ZSCAN5A: variants seen among roughly 807,000 people sequenced by gnomAD.
ZSCAN5A encodes zinc finger and SCAN domain containing 5A.
In ZSCAN5A, 12 loss-of-function variants were observed where a neutral mutation model predicts 23.7. That is an observed-to-expected ratio of 0.51 (90% CI 0.32 to 0.82). The LOEUF (loss-of-function observed/expected upper bound fraction) is 0.82, where lower values mean the gene tolerates loss of function less well. Among genes scored for constraint, ZSCAN5A ranks in the 40% least tolerant of loss-of-function variants. The pLI, the probability that ZSCAN5A is intolerant of heterozygous loss-of-function variation, is 0.03. For missense variants in ZSCAN5A, 597 were observed against 617.9 expected, an observed-to-expected ratio of 0.97 and a Z score of 0.36; for synonymous variants, 257 against 239.9, an observed-to-expected ratio of 1.07 and a Z score of -0.66.
Position 56,272,690 on chromosome 19 carries a change from G to A in ZSCAN5A, c.-128+40593C>T, listed in dbSNP as rs146518421. Reference sequence around the variant, plus strand: ...TCAGCAGTTGGTGGCGTGGGCACAGGTCTGGAGACCTGCCAGCCTCCAGGC... The same window carrying A: ...TCAGCAGTTGGTGGCGTGGGCACAGATCTGGAGACCTGCCAGCCTCCAGGC... On this transcript the variant is annotated intron_variant, in intron 2 of 5. Coordinates refer to ENST00000683990, the MANE Select transcript of ZSCAN5A (RefSeq NM_001322064.3). 522 of 156,770 alleles carry A rather than the reference G, an allele frequency of 3.3e-3. 3 individuals are homozygous for A. Among genetic ancestry groups the A allele is most frequent in the Middle Eastern group, 9.9e-3 (3 of 304 alleles). 9.7% of individuals were successfully genotyped at this position (156,770 alleles called of 1,614,324 possible).
At chr19:56,342,893 TC>T in intron 2 of ZSCAN5A, 2 of 1,016,098 alleles carry the variant, frequency 2.0e-6, no homozygotes, top group Non-Finnish European at 3.1e-6. Flanking sequence ...TCAGGTAGTC[TC>T]CCCATCCTGA....
At chr19:56,257,626 G>A (rs987048817) in intron 2 of ZSCAN5A, among the ~76,000 whole-genome samples, 2 of 140,328 alleles carry the variant, frequency 1.4e-5, no homozygotes, top group Admixed American at 7.2e-5. Context: ...AGACACAGGC[G>A]CTGGGGGACT....
intron 2 of ZSCAN5A, among the ~76,000 whole-genome samples, chr19:56,323,397 CTCCTGGACTCAAGTGA>C: frequency 6.6e-6 from 1 of 151,982 alleles, no homozygotes; most frequent in Middle Eastern, 3.4e-3. Flanking sequence ...TGATCTCAAA[CTCCTGGACTCAAGTGA>C]TCCTTCTGCC....
chr19:56,228,019 C>T (rs926876445), intron 2 of ZSCAN5A, among the ~76,000 whole-genome samples: 12 of 152,022 alleles, frequency 7.9e-5, no homozygotes, highest in African/African-American at 2.4e-4. Context: ...AAGCGAGACC[C>T]TGTCTCTAAA....
chr19:56,367,585 A>G (rs1337410843), intron 1 of ZSCAN5A, among the ~76,000 whole-genome samples: 1 of 152,254 alleles, frequency 6.6e-6, no homozygotes. Context: ...CTAAAAGCCC[A>G]TGATCTAAAT....
chr19:56,270,286 C>T (rs191758022), intron 2 of ZSCAN5A, among the ~76,000 whole-genome samples: 91 of 152,178 alleles, frequency 6.0e-4, no homozygotes, highest in African/African-American at 2.0e-3. Context: ...GGTGTGGTGG[C>T]GCACGCCTGT....
At chr19:56,247,741 G>A (rs185600197) in intron 2 of ZSCAN5A, among the ~76,000 whole-genome samples, 3,827 of 152,174 alleles carry the variant, frequency 0.025, 165 homozygotes, top group African/African-American at 0.088. Flanking sequence ...ACCCAGGCTG[G>A]AGTGCAGTGG....
intron 2 of ZSCAN5A, among the ~76,000 whole-genome samples, chr19:56,337,826 T>C (rs2041554800): frequency 6.6e-6 from 1 of 152,250 alleles, no homozygotes; most frequent in African/African-American, 2.4e-5. Context: ...TCTAGTTCTG[T>C]GTGTGTGCGT....
At chr19:56,230,520 T>C (rs2034365910) in intron 2 of ZSCAN5A, among the ~76,000 whole-genome samples, 1 of 152,102 alleles carries the variant, frequency 6.6e-6, no homozygotes, top group African/African-American at 2.4e-5. Context: ...TTCTTATTAG[T>C]TATTTAACTC....
intron 2 of ZSCAN5A, among the ~76,000 whole-genome samples, chr19:56,362,330 G>A (rs1287533314): frequency 6.6e-6 from 1 of 152,140 alleles, no homozygotes; most frequent in Non-Finnish European, 1.5e-5. Flanking sequence ...ACTTTGGGAG[G>A]CCAAGGTGGG....
chr19:56,350,506 T>C (rs1228839796), intron 2 of ZSCAN5A, among the ~76,000 whole-genome samples: 1 of 152,258 alleles, frequency 6.6e-6, no homozygotes, highest in Non-Finnish European at 1.5e-5. Context: ...AATAATGTCT[T>C]TCTCCCAATC....
At chr19:56,231,888 C>T (rs560260792) in intron 2 of ZSCAN5A, among the ~76,000 whole-genome samples, 33 of 152,244 alleles carry the variant, frequency 2.2e-4, no homozygotes, top group Admixed American at 7.8e-4. Context: ...TCCCCAGGCT[C>T]TTCATCATCT....
At chr19:56,258,209 G>T (rs546347304) in intron 2 of ZSCAN5A, among the ~76,000 whole-genome samples, 5 of 152,368 alleles carry the variant, frequency 3.3e-5, no homozygotes, top group Non-Finnish European at 7.3e-5. Flanking sequence ...ACAGGGTAGT[G>T]AGGGGGTGTG....
chr19:56,329,357 A>C (rs1402772524), intron 2 of ZSCAN5A, among the ~76,000 whole-genome samples: 1 of 152,104 alleles, frequency 6.6e-6, no homozygotes, highest in Non-Finnish European at 1.5e-5. Context: ...TCAGAAAACA[A>C]AAACAAAAAC....
At chr19:56,281,887 A>G (rs2038738429) in intron 2 of ZSCAN5A, among the ~76,000 whole-genome samples, 1 of 152,172 alleles carries the variant, frequency 6.6e-6, no homozygotes, top group South Asian at 2.1e-4. Flanking sequence ...GAACGGTGCA[A>G]CTGGATGGAC....
chr19:56,325,293 G>A (rs993885029), intron 2 of ZSCAN5A, among the ~76,000 whole-genome samples: 4 of 152,124 alleles, frequency 2.6e-5, no homozygotes, highest in African/African-American at 4.8e-5. Flanking sequence ...CCCCTCACAC[G>A]TTTCCCACAC....
intron 2 of ZSCAN5A, among the ~76,000 whole-genome samples, chr19:56,284,508 C>G (rs1163048154): frequency 9.0e-6 from 1 of 111,400 alleles, no homozygotes. Context: ...GTGATGCTTG[C>G]TGTAATTTTT....
chr19:56,321,300 C>T (rs2041373149), intron 2 of ZSCAN5A: 1 of 658,252 alleles, frequency 1.5e-6, no homozygotes, highest in Non-Finnish European at 2.8e-6. Context: ...GAAAATAACT[C>T]GCCCATCACT....
intron 2 of ZSCAN5A, among the ~76,000 whole-genome samples, chr19:56,238,072 A>G (rs555473373): frequency 9.1e-3 from 253 of 27,840 alleles, no homozygotes; most frequent in Non-Finnish European, 0.018. Flanking sequence ...TCCCCTAGAC[A>G]CACACAGAGA....
Sources: gnomAD v4.1 joint callset for allele counts (sites outside exome capture counted in the v4.1 genomes callset) on GRCh38, gnomAD v4.1.1 for gene constraint, MANE v1.5 for transcripts, NCBI Gene and HGNC (gene_info 2026-07-23, HGNC 2026-07-21) for gene names.